The following NOX4 variants were observed in gnomAD, a reference collection of about 807,000 sequenced individuals.
NOX4 encodes NADPH oxidase 4, also known as kidney oxidase-1.
Under a neutral mutation model 87.6 loss-of-function variants are expected in NOX4, and 69 were observed. The observed-to-expected ratio is 0.79, with a 90% CI of 0.65 to 0.96. The LOEUF (loss-of-function observed/expected upper bound fraction) is 0.96, where lower values mean the gene tolerates loss of function less well. NOX4 is among the 40% of genes least tolerant of loss of function. The pLI is 0.00. For synonymous variants in NOX4, 275 were observed against 238.2 expected (o/e 1.15, Z -1.42); for missense variants, 680 against 681.5 (o/e 1.00, Z 0.02).
the NOX4 span, among the ~76,000 whole-genome samples, chr11:89,508,325 G>C: frequency 2.6e-5 from 4 of 152,018 alleles, no homozygotes; most frequent in East Asian, 7.7e-4. Flanking sequence ...GTCACTCTTT[G>C]ACTGACCTGT....
intron 11 of NOX4, among the ~76,000 whole-genome samples, chr11:89,390,889 T>C (rs2135134133): frequency 6.6e-6 from 1 of 152,284 alleles, no homozygotes; most frequent in African/African-American, 2.4e-5. Flanking sequence ...TACTCTATTC[T>C]GACTCAGTCT....
At chr11:89,530,771 G>T in the NOX4 span, among the ~76,000 whole-genome samples, 280 of 152,186 alleles carry the variant, frequency 1.8e-3, no homozygotes, top group Non-Finnish European at 3.3e-3. Context: ...CCTGATACAA[G>T]CTGAGCTAAT....
chr11:89,581,037 T>C, the NOX4 span, among the ~76,000 whole-genome samples: 1 of 152,066 alleles, frequency 6.6e-6, no homozygotes, highest in African/African-American at 2.4e-5. Context: ...TAAGCACAAA[T>C]AAAAGTGCAG....
At chr11:89,400,863 G>A (rs1312826283) in intron 9 of NOX4, among the ~76,000 whole-genome samples, 1 of 147,454 alleles carries the variant, frequency 6.8e-6, no homozygotes. Context: ...ATATATATAT[G>A]TTAAATATGT....
chr11:89,431,484 C>CA (rs1943779123), intron 7 of NOX4, among the ~76,000 whole-genome samples: 1 of 152,002 alleles, frequency 6.6e-6, no homozygotes, highest in Non-Finnish European at 1.5e-5. Flanking sequence ...CCAGAATCTA[C>CA]AAAAAACTCA....
chr11:89,421,832 T>C, intron 8 of NOX4, 70 bp downstream of exon 8: 2 of 872,988 alleles, frequency 2.3e-6, no homozygotes, highest in Non-Finnish European at 3.6e-6. Flanking sequence ...TGAAATTTCC[T>C]ATAGAGTTTT....
chr11:89,383,340 C>G (rs1285112373), intron 11 of NOX4, among the ~76,000 whole-genome samples: 1 of 152,194 alleles, frequency 6.6e-6, no homozygotes, highest in Non-Finnish European at 1.5e-5. Flanking sequence ...ATGCGGGACC[C>G]CGTTGGAAAT....
At chr11:89,570,264 A>C in the NOX4 span, among the ~76,000 whole-genome samples, 1 of 152,156 alleles carries the variant, frequency 6.6e-6, no homozygotes, top group Admixed American at 6.5e-5. Context: ...AAGAAAACCA[A>C]ACACCACATG....
intron 11 of NOX4, among the ~76,000 whole-genome samples, chr11:89,375,369 G>A (rs746451615): frequency 6.6e-6 from 1 of 152,034 alleles, no homozygotes; most frequent in Non-Finnish European, 1.5e-5. Context: ...GCAGTGGCAC[G>A]ATCTCGGCTC....
intron 2 of NOX4, among the ~76,000 whole-genome samples, chr11:89,457,920 T>C (rs1306839722): frequency 1.3e-5 from 2 of 150,564 alleles, no homozygotes; most frequent in African/African-American, 4.9e-5. Context: ...CACAAACAAA[T>C]GAAAAAAAAA....
chr11:89,461,147 G>A (rs1315430263), intron 2 of NOX4, among the ~76,000 whole-genome samples: 8 of 151,910 alleles, frequency 5.3e-5, no homozygotes, highest in South Asian at 2.1e-4. Context: ...ATCACAATCC[G>A]GGGCCTGTTG....
At chr11:89,438,884 TATATTA>T (rs1944303987) in intron 6 of NOX4, among the ~76,000 whole-genome samples, 1 of 52,008 alleles carries the variant, frequency 1.9e-5, no homozygotes, top group Non-Finnish European at 2.9e-5. Flanking sequence ...TAATATATAA[TATATTA>T]TATATTATAT....
the NOX4 span, among the ~76,000 whole-genome samples, chr11:89,544,704 A>AT: frequency 6.6e-6 from 1 of 152,052 alleles, no homozygotes; most frequent in African/African-American, 2.4e-5. Flanking sequence ...AACTTTTCCA[A>AT]TTTTGTAGTA....
intron 11 of NOX4, among the ~76,000 whole-genome samples, chr11:89,378,773 G>C (rs1591064680): frequency 6.6e-6 from 1 of 152,154 alleles, no homozygotes; most frequent in Non-Finnish European, 1.5e-5. Context: ...TATTTATTTA[G>C]TGTCCAAAAT....
chr11:89,440,870 A>AT (rs1446992862), intron 5 of NOX4, among the ~76,000 whole-genome samples, 155 bp from the exon 6 acceptor site: 3 of 152,186 alleles, frequency 2.0e-5, no homozygotes, highest in African/African-American at 7.2e-5. Context: ...GTTTCATAAC[A>AT]TTTTCACAAT....
intron 13 of NOX4, among the ~76,000 whole-genome samples, chr11:89,354,082 A>G (rs1937791164): frequency 6.6e-6 from 1 of 152,252 alleles, no homozygotes; most frequent in South Asian, 2.1e-4. Flanking sequence ...CCCGGAAAGC[A>G]AAGTTTATGA....
In NOX4 at chr11:89,422,002, C is replaced by G; in HGVS notation, c.549-20G>C. 3.3e-6 allele frequency: 4 copies of G among 1,220,530 alleles called. No individual in the cohort carries two copies. The highest frequency in any genetic ancestry group is 4.7e-6 in the Non-Finnish European group (4 of 856,556). 75.6% of individuals were successfully genotyped at this position (1,220,530 alleles called of 1,614,324 possible). A position where few individuals can be genotyped will look rare whatever the true frequency, so the allele number is the denominator to read the frequency against. ...GAAACTCTGCAAAAACAAATACACT[C>G]ATTTTAATGCTACTTTACATTCCAT... On this transcript the variant is annotated intron_variant, in intron 7 of 17. Coordinates refer to ENST00000263317, the MANE Select transcript of NOX4 (RefSeq NM_016931.5).
chr11:89,333,854 C>G (rs1226997193), intron 17 of NOX4, among the ~76,000 whole-genome samples: 1 of 151,762 alleles, frequency 6.6e-6, no homozygotes, highest in Non-Finnish European at 1.5e-5. Flanking sequence ...TGCCTGAGAA[C>G]CAATACACAA....
chr11:89,425,422 AAAC>A (rs1256131272), intron 7 of NOX4, among the ~76,000 whole-genome samples: 43 of 151,314 alleles, frequency 2.8e-4, no homozygotes, highest in African/African-American at 1.0e-3. Context: ...AAAAAAAAAA[AAAC>A]AAAACAAAAT....
Sources: gnomAD v4.1 joint callset for allele counts (sites outside exome capture counted in the v4.1 genomes callset) on GRCh38, gnomAD v4.1.1 for gene constraint, MANE v1.5 for transcripts, NCBI Gene and HGNC (gene_info 2026-07-23, HGNC 2026-07-21) for gene names.